RFX3: variants seen among roughly 807,000 people sequenced by gnomAD.
RFX3 encodes the protein regulatory factor X3.
RFX3 carries 14 observed loss-of-function variants against 98.6 expected under a neutral mutation model. That is an observed-to-expected ratio of 0.14 (90% CI 0.09 to 0.22). The LOEUF is 0.22. RFX3 is among the 10% of genes least tolerant of loss of function. The pLI, the probability that RFX3 is intolerant of heterozygous loss-of-function variation, is 1.00. For synonymous variants in RFX3, 383 were observed against 328.4 expected, an observed-to-expected ratio of 1.17 and a Z score of -1.80; for missense variants, 639 against 926.9, an observed-to-expected ratio of 0.69 and a Z score of 4.03.
chr9:3,429,407 T>C (rs1036743437), intron 1 of RFX3, among the ~76,000 whole-genome samples: 1 of 149,348 alleles, frequency 6.7e-6, no homozygotes, highest in Non-Finnish European at 1.5e-5. Context: ...CAATACTATA[T>C]ATATAATATA....
At chr9:3,384,753 G>T (rs1475941375) in intron 2 of RFX3, among the ~76,000 whole-genome samples, 1 of 152,096 alleles carries the variant, frequency 6.6e-6, no homozygotes, top group Non-Finnish European at 1.5e-5. Flanking sequence ...CAAGACACCT[G>T]TCCAGGTGCC....
rs532086519 is a variant in RFX3 at position 3,340,930 on chromosome 9, T to C, written c.215+5737A>G. Among the ~76,000 whole-genome samples the C allele has an allele frequency of 1.7e-3, 259 of 152,348 alleles. 3 individuals carry two copies. The highest frequency in any genetic ancestry group is 6.0e-3 in the African/African-American group (250 of 41,584). ...TACATACCCAAAGGATTATAAATCA[T>C]GCTGCTATAAAGACACATGCACACA... On this transcript the variant is annotated intron_variant, in intron 3 of 16. Coordinates refer to ENST00000617270, the MANE Select transcript of RFX3 (RefSeq NM_001282116.2).
In RFX3 at chr9:3,236,882, G is replaced by A. The variant is rs567186477; in HGVS notation, c.1969-7993C>T. On this transcript the variant is annotated intron_variant, in intron 15 of 16. Transcript: ENST00000617270. ...GGGGAGAAAATATGTATTTGTATAT[G>A]TATACATTTTGCCAGTTTCTGTGAA... is the stretch of plus-strand genomic sequence containing the variant. 2.0e-5 allele frequency among the ~76,000 whole-genome samples: 3 copies of A among 152,304 alleles called. No individual in the cohort carries two copies. The East Asian group carries it at 5.8e-4, about 29-fold the overall frequency.
At chr9:3,321,098 T>C (rs982725477) in intron 4 of RFX3, among the ~76,000 whole-genome samples, 36 of 152,082 alleles carry the variant, frequency 2.4e-4, no homozygotes, top group Admixed American at 1.5e-3. Context: ...AGATGGGGTT[T>C]TCACCATGTT....
intron 1 of RFX3, among the ~76,000 whole-genome samples, chr9:3,429,224 G>T (rs965357676): frequency 6.6e-6 from 1 of 150,534 alleles, no homozygotes; most frequent in Non-Finnish European, 1.5e-5. Flanking sequence ...GGGTTTCACC[G>T]TGTTAGCCAA....
chr9:3,253,961 G>A (rs1821764843), intron 14 of RFX3, among the ~76,000 whole-genome samples: 1 of 152,136 alleles, frequency 6.6e-6, no homozygotes, highest in African/African-American at 2.4e-5. Context: ...CTCAGCTATT[G>A]ACTTTGCCTA....
intron 1 of RFX3, among the ~76,000 whole-genome samples, chr9:3,417,661 T>C (rs1018318579): frequency 2.0e-5 from 3 of 152,018 alleles, no homozygotes; most frequent in African/African-American, 7.2e-5. Context: ...CCTCAATAAA[T>C]TTGGGTGAAG....
At chr9:3,519,556 T>C (rs987223365) in intron 1 of RFX3, among the ~76,000 whole-genome samples, 2 of 152,114 alleles carry the variant, frequency 1.3e-5, no homozygotes, top group South Asian at 4.1e-4. Context: ...ACATAAATTA[T>C]CTCCTTTAAT....
intron 14 of RFX3, among the ~76,000 whole-genome samples, chr9:3,248,569 G>T (rs1449929828): frequency 6.6e-6 from 1 of 152,188 alleles, no homozygotes; most frequent in African/African-American, 2.4e-5. Context: ...GATGAAGGTT[G>T]GCAGTCTGTC....
At chr9:3,404,588 C>G (rs1841793579) in intron 1 of RFX3, among the ~76,000 whole-genome samples, 1 of 152,038 alleles carries the variant, frequency 6.6e-6, no homozygotes, top group African/African-American at 2.4e-5. Flanking sequence ...GCTATATTAT[C>G]TAAAGTTGGT....
intron 14 of RFX3, among the ~76,000 whole-genome samples, chr9:3,251,175 G>T (rs1483176550): frequency 6.6e-6 from 1 of 152,052 alleles, no homozygotes; most frequent in Non-Finnish European, 1.5e-5. Flanking sequence ...TTAATGGCAA[G>T]AAATGCTTAA....
intron 1 of RFX3, among the ~76,000 whole-genome samples, chr9:3,438,627 T>C (rs1191709964): frequency 1.3e-5 from 2 of 151,896 alleles, no homozygotes; most frequent in Non-Finnish European, 2.9e-5. Context: ...CACAACAACA[T>C]GCTGCCTGTG....
intron 2 of RFX3, among the ~76,000 whole-genome samples, chr9:3,372,550 CTTTT>C (rs553629010): frequency 7.4e-6 from 1 of 135,664 alleles, no homozygotes. Context: ...TTCTTTCTTT[CTTTT>C]TTTTTTTTTT....
intron 2 of RFX3, among the ~76,000 whole-genome samples, chr9:3,361,334 A>C: frequency 6.6e-6 from 1 of 152,204 alleles, no homozygotes; most frequent in East Asian, 1.9e-4. Flanking sequence ...GTAAAACCAC[A>C]GGGAAATGAA....
At chr9:3,334,941 G>A (rs1402635989) in intron 3 of RFX3, among the ~76,000 whole-genome samples, 1 of 151,832 alleles carries the variant, frequency 6.6e-6, no homozygotes, top group African/African-American at 2.4e-5. Flanking sequence ...CAAACACGGT[G>A]AAATTTGTCT....
Position 3,292,087 on chromosome 9 carries a change from A to C in RFX3, c.731+990T>G, listed in dbSNP as rs989351991. On this transcript the variant is annotated intron_variant, in intron 6 of 16. Transcript: ENST00000617270. ...AAAAAAAAAAAAAAAAAAAAAAAAA[A>C]AAAAAAAAAAAAACTCTTTACGAAA... Among the ~76,000 whole-genome samples, 88 of 147,230 alleles carry C rather than the reference A, an allele frequency of 6.0e-4. 3 individuals carry two copies. Among genetic ancestry groups the C allele is most frequent in the African/African-American group, 1.9e-3 (74 of 39,918 alleles).
chr9:3,446,387 G>C (rs1427585100), intron 1 of RFX3, among the ~76,000 whole-genome samples: 1 of 151,930 alleles, frequency 6.6e-6, no homozygotes, highest in Non-Finnish European at 1.5e-5. Context: ...AAAAGTAAAG[G>C]TAATATATAA....
chr9:3,229,728 A>G (rs932595265), intron 15 of RFX3, among the ~76,000 whole-genome samples: 4 of 152,238 alleles, frequency 2.6e-5, no homozygotes, highest in Non-Finnish European at 1.5e-5. Flanking sequence ...TTTTAAGGTA[A>G]TAAGTCATTA....
At chr9:3,476,327 A>G (rs1281144269) in intron 1 of RFX3, among the ~76,000 whole-genome samples, 2 of 152,076 alleles carry the variant, frequency 1.3e-5, no homozygotes, top group Admixed American at 1.3e-4. Flanking sequence ...CTTGCTGCCC[A>G]CAGAATATAA....
Sources: allele counts gnomAD v4.1 joint callset (sites outside exome capture counted in the v4.1 genomes callset), GRCh38; gene constraint gnomAD v4.1.1; transcripts MANE v1.5; gene names NCBI Gene and HGNC (gene_info 2026-07-23, HGNC 2026-07-21).